ABCB10: variants seen among roughly 807,000 people sequenced by gnomAD.
The protein encoded by ABCB10 is ATP-binding cassette sub-family B member 10, mitochondrial.
A neutral mutation model predicts 65.4 loss-of-function variants in ABCB10; 54 were observed. That is an observed-to-expected ratio of 0.83 (90% CI 0.66 to 1.04). The LOEUF (loss-of-function observed/expected upper bound fraction) is 1.04. Ranked by LOEUF, ABCB10 falls within the 50% of genes least tolerant of loss-of-function variation. The probability of loss-of-function intolerance (pLI) is 0.00; values close to 1 mark genes in which losing one functional copy is unlikely to be tolerated. For synonymous variants in ABCB10, 418 were observed against 406.5 expected (o/e 1.03, Z -0.34); for missense variants, 846 against 976.6 (o/e 0.87, Z 1.78).
At position 229,517,049 on chromosome 1, in the gene ABCB10, A is replaced by T. The variant is rs1214497695; in HGVS notation, c.*1130T>A. 1 of 152,228 alleles carries T rather than the reference A, an allele frequency of 6.6e-6. No homozygotes were observed. The highest frequency in any genetic ancestry group is 1.5e-5 in the Non-Finnish European group (1 of 68,030). 9.4% of individuals were successfully genotyped at this position (152,228 alleles called of 1,614,324 possible). A position where few individuals can be genotyped will look rare whatever the true frequency, so the allele number is the denominator to read the frequency against. On this transcript the variant is annotated 3_prime_UTR_variant, in exon 13 of 13. Coordinates refer to ENST00000344517, the MANE Select transcript of ABCB10 (RefSeq NM_012089.3). Reference sequence around the variant, plus strand: ...GAGAAAAAGCACTTTTTCTTGAGGCAACAGCAAATTAACAGCACTGATACA... The same window carrying T: ...GAGAAAAAGCACTTTTTCTTGAGGCTACAGCAAATTAACAGCACTGATACA...
At chr1:229,520,177 T>C (rs1662271318) in intron 11 of ABCB10, among the ~76,000 whole-genome samples, 1 of 151,488 alleles carries the variant, frequency 6.6e-6, no homozygotes, top group Non-Finnish European at 1.5e-5. Context: ...GATATGTCTA[T>C]AACTTTCAAG....
chr1:229,557,418 G>A (rs1366035913), intron 1 of ABCB10, among the ~76,000 whole-genome samples: 2 of 152,226 alleles, frequency 1.3e-5, no homozygotes, highest in African/African-American at 4.8e-5. Context: ...GTTTATAGAA[G>A]GAGTGAAGAT....
rs1043725743 is a variant in ABCB10 at position 229,554,321 on chromosome 1, G to T, written c.517+3815C>A. Among the ~76,000 whole-genome samples the T allele has an allele frequency of 2.0e-4, 30 of 152,166 alleles. 1 individual carries two copies. Among genetic ancestry groups the T allele is most frequent in the African/African-American group, 7.0e-4 (29 of 41,426 alleles). ...AGGTTCTGGAAATCTGGAGAAGAAAGATCTGAGCCCCCATGTGTCTGGTGC... is the reference window on the plus strand; with the variant it reads ...AGGTTCTGGAAATCTGGAGAAGAAATATCTGAGCCCCCATGTGTCTGGTGC... On this transcript the variant is annotated intron_variant, in intron 1 of 12. Coordinates refer to ENST00000344517, the MANE Select transcript of ABCB10 (RefSeq NM_012089.3).
At chr1:229,535,067 A>AAAAAAAAAC (rs1662683914) in intron 6 of ABCB10, 1 of 148,240 alleles carries the variant, frequency 6.7e-6, no homozygotes, top group African/African-American at 2.5e-5. Context: ...AAAAAAAAAA[A>AAAAAAAAAC]ACCTTGCCAA....
rs372709708 is a variant in ABCB10, at chr1:229,541,330, G to A, written c.1057-578C>T. On this transcript the variant is annotated intron_variant, in intron 4 of 12. Transcript: ENST00000344517. ...CAACCTCCACCTCCCAGGTTCAAGCGATTCTCCTGTCTCGGCCTCTCAAGT... is the reference window on the plus strand; with the variant it reads ...CAACCTCCACCTCCCAGGTTCAAGCAATTCTCCTGTCTCGGCCTCTCAAGT... Among the ~76,000 whole-genome samples, 11 of 152,184 alleles carry A rather than the reference G, an allele frequency of 7.2e-5. No homozygotes were observed. In the South Asian group the frequency reaches 1.0e-3, roughly 14 times the overall value.
At chr1:229,553,512 T>C (rs1261514306) in intron 1 of ABCB10, among the ~76,000 whole-genome samples, 1 of 151,988 alleles carries the variant, frequency 6.6e-6, no homozygotes, top group African/African-American at 2.4e-5. Context: ...TAGGGCGAAG[T>C]AGGCTGGGGA....
intron 9 of ABCB10, 77 bp from the exon 10 acceptor site, chr1:229,526,193 C>A: frequency 7.1e-7 from 1 of 1,404,664 alleles, no homozygotes; most frequent in South Asian, 1.4e-5. Flanking sequence ...ACCTAGCAGT[C>A]TTTTTTAAAA....
chr1:229,546,967 A>AT (rs1491089359), intron 3 of ABCB10, among the ~76,000 whole-genome samples: 2 of 152,180 alleles, frequency 1.3e-5, no homozygotes, highest in African/African-American at 4.8e-5. Context: ...TTAAAATCAC[A>AT]TATGTGGCTT....
rs60323914 is a variant in ABCB10 at position 229,550,525 on chromosome 1, C to CAAAAAAAAAAAA, written c.518-1103_518-1092dup. On this transcript the variant is annotated intron_variant, in intron 1 of 12. Transcript: ENST00000344517. Reference sequence around the variant, plus strand: ...GGGTGACACAGCAATATGCTGTCTCCAAAAAAAAAAAAAAAAAAAAAAATT... The same window carrying CAAAAAAAAAAAA: ...GGGTGACACAGCAATATGCTGTCTCCAAAAAAAAAAAAAAAAAAAAAAAAAAAAAAAAAAATT... Among the ~76,000 whole-genome samples the CAAAAAAAAAAAA allele has an allele frequency of 8.8e-4, 56 of 63,522 alleles. 2 individuals carry two copies. Among genetic ancestry groups the CAAAAAAAAAAAA allele is most frequent in the African/African-American group, 3.5e-3 (47 of 13,436 alleles). The allele number at this position is 63,522 out of a possible 152,430, so 41.7% of individuals were successfully genotyped here.
intron 5 of ABCB10, 107 bp from the exon 6 acceptor site, chr1:229,539,698 AG>A (rs1662797769): frequency 7.6e-7 from 1 of 1,315,168 alleles, no homozygotes; most frequent in African/African-American, 1.5e-5. Context: ...TGTCACAGCA[AG>A]ATTTTTCCAA....
Position 229,558,457 on chromosome 1 carries a change from G to T in ABCB10, c.196C>A (p.Arg66Ser). The T allele has an allele frequency of 8.2e-7, 1 of 1,225,690 alleles. No homozygotes were observed. Among genetic ancestry groups the T allele is most frequent in the Non-Finnish European group, 1.0e-6 (1 of 986,630 alleles). The allele number at this position is 1,225,690 out of a possible 1,614,324, so 75.9% of individuals were successfully genotyped here. ...PALLWGVGAA[R>S]RWRSGCRGGG... The stretch of plus-strand genomic sequence containing the variant: ...CCCCGGCAGCCGCTCCTCCAGCGGC[G>T]CGCGGCTCCAACGCCCCAGAGCAGC... Residue 66 changes from arginine to serine, a missense_variant, in exon 1 of 13, where the codon CGC (arginine) becomes AGC (serine). Physicochemically the swap from Arg to Ser is moderately radical, Grantham distance 110 (BLOSUM62 -1). Transcript: ENST00000344517.
chr1:229,529,065 G>A (rs1026733468), intron 8 of ABCB10, among the ~76,000 whole-genome samples: 9 of 151,964 alleles, frequency 5.9e-5, no homozygotes, highest in Non-Finnish European at 7.4e-5. Context: ...ACTGAGGAGG[G>A]TGGATCACGA....
chr1:229,537,388 C>A (rs1254050276), intron 6 of ABCB10, among the ~76,000 whole-genome samples: 2 of 152,062 alleles, frequency 1.3e-5, no homozygotes, highest in Non-Finnish European at 2.9e-5. Context: ...AGGCAGAAAC[C>A]AAAATAAAAA....
rs149772807 is a variant in ABCB10, at chr1:229,534,798, G to C, written c.1340-3067C>G. Among the ~76,000 whole-genome samples the C allele has an allele frequency of 9.8e-3, 1,486 of 151,162 alleles. 26 individuals are homozygous for C. The highest frequency in any genetic ancestry group is 0.034 in the African/African-American group (1,387 of 41,086). On this transcript the variant is annotated intron_variant, in intron 6 of 12. Transcript: ENST00000344517. ...AGGCTGGAGAATCGCTTGAACCTGG[G>C]GGGGTGGAGGTTGCAGTGAGCCAAG...
rs1195117071 is a variant in ABCB10, at chr1:229,517,907, A to G, written c.*272T>C. Reference sequence around the variant, plus strand: ...AAAAGAAAATGAGGTGCCATGCTATATTAATTAAAATATTCCACAAGAAAA... The same window carrying G: ...AAAAGAAAATGAGGTGCCATGCTATGTTAATTAAAATATTCCACAAGAAAA... On this transcript the variant is annotated 3_prime_UTR_variant, in exon 13 of 13. Transcript: ENST00000344517. 1 of 336,242 alleles carries G rather than the reference A, an allele frequency of 3.0e-6. No individual in the cohort carries two copies. The highest frequency in any genetic ancestry group is 2.2e-5 in the African/African-American group (1 of 46,456). 20.8% of individuals were successfully genotyped at this position (336,242 alleles called of 1,614,324 possible).
chr1:229,530,472 G>T, intron 7 of ABCB10, 64 bp from the exon 8 acceptor site: 1 of 1,554,516 alleles, frequency 6.4e-7, no homozygotes, highest in South Asian at 1.1e-5. Context: ...GCTGAACTCG[G>T]TTCTCCTACT....
rs202239030 is a variant in ABCB10 at position 229,531,682 on chromosome 1, C to G, written c.1389G>C (p.Gly463=). 3.7e-5 allele frequency: 60 copies of G among 1,613,764 alleles called. No homozygotes were observed. Among genetic ancestry groups the G allele is most frequent in the South Asian group, 7.7e-5 (7 of 91,050 alleles). ...SELMKGLGAG[G]RLWELLEREP... is the part of the protein sequence containing the mutation. ...CTCTCTCCAGGAGCTCCCAGAGGCG[C>G]CCCCCTGCACCCAGTCCTTTCATCA... The change falls in exon 7 of 13, where the codon GGG becomes GGC. Residue 463 remains glycine, a synonymous_variant. Transcript: ENST00000344517.
At chr1:229,538,741 T>C (rs1282422916) in intron 6 of ABCB10, among the ~76,000 whole-genome samples, 1 of 152,016 alleles carries the variant, frequency 6.6e-6, no homozygotes, top group African/African-American at 2.4e-5. Context: ...ACCCTGAAAA[T>C]AAAACTCTCT....
chr1:229,555,711 T>A (rs574195025), intron 1 of ABCB10, among the ~76,000 whole-genome samples: 1 of 152,396 alleles, frequency 6.6e-6, no homozygotes, highest in East Asian at 1.9e-4. Context: ...GCTCAGCTTT[T>A]TTAGTGTTTT....
Sources: gnomAD v4.1 joint callset for allele counts (sites outside exome capture counted in the v4.1 genomes callset) on GRCh38, gnomAD v4.1.1 for gene constraint, MANE v1.5 for transcripts, NCBI Gene and HGNC (gene_info 2026-07-23, HGNC 2026-07-21) for gene names.